Variants in GRAMD4 observed in about 807,000 individuals in gnomAD.
GRAMD4 encodes the protein GRAM domain-containing protein 4.
GRAMD4 carries 25 observed loss-of-function variants against 83.9 expected under a neutral mutation model. The observed-to-expected ratio is 0.30, with a 90% CI of 0.22 to 0.42. GRAMD4 has a LOEUF of 0.42. Ranked by LOEUF, GRAMD4 falls within the 10% of genes least tolerant of loss-of-function variation. The probability of loss-of-function intolerance (pLI) is 1.00; values close to 1 mark genes in which losing one functional copy is unlikely to be tolerated. For missense variants in GRAMD4, 593 were observed against 788.7 expected, an observed-to-expected ratio of 0.75 and a Z score of 2.97; for synonymous variants, 336 against 320.9, an observed-to-expected ratio of 1.05 and a Z score of -0.50.
intron 3 of GRAMD4, among the ~76,000 whole-genome samples, chr22:46,648,883 GATGGATGGATGGATGC>G (rs2082120800): frequency 8.5e-6 from 1 of 117,876 alleles, no homozygotes; most frequent in Non-Finnish European, 1.8e-5. Context: ...TGGATGGATG[GATGGATGGATGGATGC>G]ATGGATGGAT....
At chr22:46,663,250 T>C in intron 6 of GRAMD4, 78 bp downstream of exon 6, 1 of 1,375,534 alleles carries the variant, frequency 7.3e-7, no homozygotes, top group South Asian at 1.2e-5. Context: ...GGGTGGGCCA[T>C]CCTTTATCAC....
At chr22:46,598,576 G>A (rs930705080) in intron 1 of GRAMD4, among the ~76,000 whole-genome samples, 2 of 151,738 alleles carry the variant, frequency 1.3e-5, no homozygotes, top group African/African-American at 4.8e-5. Context: ...GCTGACTGCC[G>A]GCTCCTGGCT....
At chr22:46,614,859 GCA>G (rs67259334) in intron 1 of GRAMD4, among the ~76,000 whole-genome samples, 43 of 10,754 alleles carry the variant, frequency 4.0e-3, no homozygotes, top group South Asian at 0.024. Flanking sequence ...CTTCCCCTGT[GCA>G]TGTAGGTTCC....
Position 46,621,085 on chromosome 22 carries a change from T to G in GRAMD4, c.-50+520T>G, listed in dbSNP as rs1450007885. ...CTTCCTCCAGGGACCGTGGAGGGGG[T>G]GGGGATGGGCAGCTAGAAGTGGGGA... is the stretch of plus-strand genomic sequence containing the variant. On this transcript the variant is annotated intron_variant, in intron 1 of 18. Transcript: ENST00000406902. The surrounding 1 kb of genome is among the most constrained non-coding windows in gnomAD (Gnocchi z 5.8). Among the ~76,000 whole-genome samples the G allele has an allele frequency of 3.8e-3, 292 of 76,426 alleles. No individual in the cohort carries two copies. The highest frequency in any genetic ancestry group is 4.8e-3 in the Admixed American group (33 of 6,826). The allele number at this position is 76,426 out of a possible 152,430, so 50.1% of individuals were successfully genotyped here.
chr22:46,680,495 G>A (rs1378205410), downstream of GRAMD4, among the ~76,000 whole-genome samples: 2 of 149,422 alleles, frequency 1.3e-5, no homozygotes, highest in Admixed American at 1.3e-4. Context: ...GGACATATGC[G>A]TACTCCATCG....
At chr22:46,615,389 G>C (rs2081467590), upstream of GRAMD4, among the ~76,000 whole-genome samples, 1 of 68,200 alleles carries the variant, frequency 1.5e-5, no homozygotes, top group Non-Finnish European at 2.9e-5. Context: ...AGGTTCCCCT[G>C]TGTGTGTAGG....
rs1014395631 is a variant in GRAMD4, at chr22:46,621,504, G to A, written c.-50+939G>A. Among the ~76,000 whole-genome samples the A allele has an allele frequency of 4.0e-4, 60 of 149,274 alleles. No homozygotes were observed. The highest frequency in any genetic ancestry group is 1.4e-3 in the African/African-American group (56 of 40,136). The stretch of plus-strand genomic sequence containing the variant: ...GGCGTAGCCCGGGCCCATCCCTGGC[G>A]GTGTGTCGCGGAGGGCACCCCTACC... On this transcript the variant is annotated intron_variant, in intron 1 of 18. Coordinates refer to ENST00000406902, the MANE Select transcript of GRAMD4 (RefSeq NM_015124.5). The surrounding 1 kb of genome is among the most constrained non-coding windows in gnomAD (Gnocchi z 5.8).
Position 46,665,688 on chromosome 22 carries a change from T to C in GRAMD4, c.791T>C (p.Leu264Pro). 6.3e-7 allele frequency: 1 copy of C among 1,581,218 alleles called. No individual in the cohort carries two copies. The highest frequency in any genetic ancestry group is 8.7e-7 in the Non-Finnish European group (1 of 1,150,522). Residue 264 changes from leucine to proline, a missense_variant, in exon 9 of 19, where the codon CTC becomes CCC. Leu to Pro is a moderately conservative substitution (Grantham distance 98). Transcript: ENST00000406902. Reference sequence around the variant, plus strand: ...TTTCTAGCAATTCTGAGGTTATCCCTCAATTACCTCATCGCCAGGTAGGTG... The same window carrying C: ...TTTCTAGCAATTCTGAGGTTATCCCCCAATTACCTCATCGCCAGGTAGGTG... ...FLFLAILRLS[L>P]NYLIARGWRI...
At chr22:46,617,114 G>A (rs2081512695), upstream of GRAMD4, among the ~76,000 whole-genome samples, 2 of 141,800 alleles carry the variant, frequency 1.4e-5, no homozygotes, top group Non-Finnish European at 3.0e-5. Context: ...CCCTGTCCGT[G>A]TAGGTTCCCC....
chr22:46,658,359 C>A lies in GRAMD4; in HGVS notation c.404+52C>A, dbSNP rs757784786. On this transcript the variant is annotated intron_variant, in intron 4 of 18. Transcript: ENST00000406902. The stretch of plus-strand genomic sequence containing the variant: ...CCTGTGTGCGGCTGCCCCAACCCCC[C>A]ACCCCACCCGCCCCGCCGTCCTCTG... 16 of 1,486,066 alleles carry A rather than the reference C, an allele frequency of 1.1e-5. 1 individual carries two copies. Among genetic ancestry groups the A allele is most frequent in the Middle Eastern group, 2.4e-4 (1 of 4,194 alleles). The allele number at this position is 1,486,066 out of a possible 1,614,324, so 92.1% of individuals were successfully genotyped here.
At chr22:46,616,019 C>A (rs1361154585), upstream of GRAMD4, among the ~76,000 whole-genome samples, 3 of 96,078 alleles carry the variant, frequency 3.1e-5, no homozygotes, top group Non-Finnish European at 6.3e-5. Flanking sequence ...TTCTGCTGTG[C>A]GTGTTGGTTC....
rs777071166 is a variant in GRAMD4 at position 46,661,437 on chromosome 22, G to A, written c.461G>A (p.Gly154Glu). The change falls in exon 5 of 19, where the codon GGA becomes GAA. Residue 154 changes from glycine (G) to glutamate (E), a missense_variant. Transcript: ENST00000406902. ...AAAGGGCAGGCCCAGGCCAGCAATG[G>A]AGCAGGTACACCCTGGTGGGCGGGT... The part of the protein sequence containing the change: ...PPKGQAQASN[G>E]AERRSQGLSS... 1.2e-5 allele frequency: 20 copies of A among 1,608,134 alleles called. No homozygotes were observed. The South Asian group carries it at 1.6e-4, about 13-fold the overall frequency.
intron 1 of GRAMD4, among the ~76,000 whole-genome samples, chr22:46,587,240 T>C (rs1289091221): frequency 6.6e-6 from 1 of 152,176 alleles, no homozygotes; most frequent in Non-Finnish European, 1.5e-5. Context: ...GCCAGTGATC[T>C]GGGGCTCCGG....
At chr22:46,602,885 G>A (rs113237626) in intron 1 of GRAMD4, among the ~76,000 whole-genome samples, 1,527 of 151,008 alleles carry the variant, frequency 0.01, 26 homozygotes, top group African/African-American at 0.035. Flanking sequence ...TGGGCCTACA[G>A]GCACATGCCA....
At chr22:46,626,014 G>C (rs915486720) in intron 1 of GRAMD4, among the ~76,000 whole-genome samples, 1 of 152,244 alleles carries the variant, frequency 6.6e-6, no homozygotes, top group Non-Finnish European at 1.5e-5. Context: ...GCCTGACCCC[G>C]CTGTCTCTGG....
chr22:46,609,642 G>T (rs896561525), intron 1 of GRAMD4, among the ~76,000 whole-genome samples: 6 of 152,222 alleles, frequency 3.9e-5, no homozygotes, highest in Non-Finnish European at 7.3e-5. Context: ...GGGCCCCAGG[G>T]ACACGGCACG....
rs2082514605 is a variant in GRAMD4 at position 46,672,041 on chromosome 22, A to C, written c.1085-802A>C. ...TCTGGTCTGGTCTGGCGGGCTGTGC[A>C]CTGGGGGCAGCGAGACAGCCCCCAG... is the stretch of plus-strand genomic sequence containing the variant. On this transcript the variant is annotated intron_variant, in intron 13 of 18. Transcript: ENST00000406902. This position sits in a 1 kb window ranked among gnomAD's most constrained non-coding sequence, Gnocchi z 4.7. Among the ~76,000 whole-genome samples, 1 of 152,228 alleles carries C rather than the reference A, an allele frequency of 6.6e-6. No individual in the cohort carries two copies. Among genetic ancestry groups the C allele is most frequent in the Non-Finnish European group, 1.5e-5 (1 of 68,036 alleles).
chr22:46,593,146 T>G (rs1208818149), intron 1 of GRAMD4, among the ~76,000 whole-genome samples: 1 of 152,174 alleles, frequency 6.6e-6, no homozygotes, highest in African/African-American at 2.4e-5. Flanking sequence ...TTATTTGATT[T>G]GCAGACCTTT....
At chr22:46,673,551 C>A in intron 14 of GRAMD4, 119 bp from the exon 15 acceptor site, 2 of 1,276,288 alleles carry the variant, frequency 1.6e-6, no homozygotes, top group Non-Finnish European at 2.2e-6. Flanking sequence ...GAAGGGACCT[C>A]GGGAACGTCT....
Sources: gnomAD v4.1 joint callset for allele counts (sites outside exome capture counted in the v4.1 genomes callset) on GRCh38, gnomAD v4.1.1 for gene constraint, Gnocchi (gnomAD v3.1) non-coding constraint, MANE v1.5 for transcripts, NCBI Gene and HGNC (gene_info 2026-07-23, HGNC 2026-07-21) for gene names.